ROCK2: variants seen among roughly 807,000 people sequenced by gnomAD.
The protein encoded by ROCK2 is rho-associated protein kinase 2.
Under a neutral mutation model 195.1 loss-of-function variants are expected in ROCK2, and 61 were observed. The ratio of observed to expected loss-of-function variants is 0.31; its 90% CI spans 0.25 to 0.39. The LOEUF is 0.39. Ranked by LOEUF, ROCK2 falls within the 10% of genes least tolerant of loss-of-function variation. ROCK2 has a pLI of 1.00. For missense variants in ROCK2, 1,109 were observed against 1,637.4 expected, an observed-to-expected ratio of 0.68 and a Z score of 5.57; for synonymous variants, 504 against 545.5, an observed-to-expected ratio of 0.92 and a Z score of 1.06.
rs1194333888 is a variant in ROCK2 at position 11,311,790 on chromosome 2, TATAGGAG to T, written c.142-24061_142-24055del. Among the ~76,000 whole-genome samples, 6 of 152,142 alleles carry T rather than the reference TATAGGAG, an allele frequency of 3.9e-5. No individual in the cohort carries two copies. The South Asian group carries it at 1.2e-3, about 32-fold the overall frequency. ...GTGCACACACACACACACACACCCC[TATAGGAG>T]ATCCAGAAACTTAACATAAACTTCA... On this transcript the variant is annotated intron_variant, in intron 1 of 32. Transcript: ENST00000315872.
chr2:11,344,143 A>G lies in ROCK2; in HGVS notation c.-7T>C. On this transcript the variant is annotated 5_prime_UTR_variant, in exon 1 of 33. Transcript: ENST00000315872. This position sits in a 1 kb window ranked among gnomAD's most constrained non-coding sequence, Gnocchi z 5.4. ...TCGGCGGGGGCCGGCTCATGCCGCC[A>G]CCGCTGGACCCGCACTCAGGCTCCT... The G allele has an allele frequency of 1.4e-6, 2 of 1,424,618 alleles. No homozygotes were observed. The highest frequency in any genetic ancestry group is 3.3e-5 in the Admixed American group (1 of 30,280). The allele number at this position is 1,424,618 out of a possible 1,614,324, so 88.2% of individuals were successfully genotyped here.
chr2:11,286,668 A>T (rs374797670), intron 2 of ROCK2, 29 bp from the exon 3 acceptor site: 1 of 1,098,520 alleles, frequency 9.1e-7, no homozygotes, highest in Admixed American at 2.0e-5. Context: ...CATACTTATA[A>T]TATCAATCAT....
intron 32 of ROCK2, among the ~76,000 whole-genome samples, chr2:11,188,594 CAATT>C (rs1284232463): frequency 1.8e-4 from 27 of 151,180 alleles, no homozygotes; most frequent in South Asian, 4.2e-4. Flanking sequence ...TATGAACTGT[CAATT>C]AATTTCTAGT....
chr2:11,296,305 C>A (rs184834087), intron 1 of ROCK2, among the ~76,000 whole-genome samples: 1 of 152,128 alleles, frequency 6.6e-6, no homozygotes, highest in East Asian at 1.9e-4. Flanking sequence ...TGAAAAGATA[C>A]AACAAACAGA....
chr2:11,338,292 C>A (rs985358291), intron 1 of ROCK2, among the ~76,000 whole-genome samples: 1 of 152,064 alleles, frequency 6.6e-6, no homozygotes, highest in South Asian at 2.1e-4. Context: ...GGTTATAGTG[C>A]GCTATGACTA....
chr2:11,249,532 A>G, intron 4 of ROCK2, 129 bp downstream of exon 4: 1 of 664,162 alleles, frequency 1.5e-6, no homozygotes, highest in Non-Finnish European at 2.3e-6. Context: ...TTTTGAATCA[A>G]ATCTCCTAAA....
At chr2:11,339,247 G>A (rs1669029193) in intron 1 of ROCK2, among the ~76,000 whole-genome samples, 1 of 152,036 alleles carries the variant, frequency 6.6e-6, no homozygotes. Context: ...ATTGATAGAT[G>A]GATAAAGGAA....
chr2:11,184,012 T>C (rs1381903986), intron 32 of ROCK2, among the ~76,000 whole-genome samples: 2 of 152,244 alleles, frequency 1.3e-5, no homozygotes, highest in Non-Finnish European at 2.9e-5. Flanking sequence ...AATCCTTCTA[T>C]GTAAAAGGTT....
intron 4 of ROCK2, among the ~76,000 whole-genome samples, chr2:11,244,227 T>A (rs376934464): frequency 3.9e-5 from 6 of 152,306 alleles, no homozygotes; most frequent in South Asian, 2.1e-4. Context: ...GAAATTTGTT[T>A]CCTCATTATA....
At chr2:11,286,768 TGTTA>T in intron 2 of ROCK2, 129 bp from the exon 3 acceptor site, 4 of 548,624 alleles carry the variant, frequency 7.3e-6, no homozygotes, top group Non-Finnish European at 1.2e-5. Flanking sequence ...TTTTAAAGGC[TGTTA>T]GTTAAAAATC....
At chr2:11,211,877 G>A in intron 17 of ROCK2, 37 bp from the exon 18 acceptor site, 1 of 1,466,528 alleles carries the variant, frequency 6.8e-7, no homozygotes, top group Non-Finnish European at 9.2e-7. Flanking sequence ...CAACAAAAAA[G>A]AGACTAGCTC....
intron 3 of ROCK2, among the ~76,000 whole-genome samples, chr2:11,260,646 A>C (rs1195714768): frequency 6.6e-6 from 1 of 152,206 alleles, no homozygotes; most frequent in East Asian, 1.9e-4. Context: ...TTGACTCAGA[A>C]CATGACAAGA....
chr2:11,328,213 G>T (rs531755447), intron 1 of ROCK2, among the ~76,000 whole-genome samples: 4 of 151,938 alleles, frequency 2.6e-5, no homozygotes, highest in Non-Finnish European at 4.4e-5. Context: ...CTAATTACAC[G>T]CAGTGAATTA....
intron 1 of ROCK2, among the ~76,000 whole-genome samples, chr2:11,341,668 C>G (rs1341922304): frequency 6.6e-6 from 1 of 152,052 alleles, no homozygotes; most frequent in African/African-American, 2.4e-5. Context: ...AAATTATATT[C>G]CTTTAAATTT....
intron 3 of ROCK2, among the ~76,000 whole-genome samples, chr2:11,256,387 C>T (rs778666441): frequency 6.6e-6 from 1 of 151,140 alleles, no homozygotes; most frequent in Non-Finnish European, 1.5e-5. Flanking sequence ...TCTCTGGCCA[C>T]GTAAGACGTG....
chr2:11,193,449 T>A (rs1309309239), intron 30 of ROCK2, among the ~76,000 whole-genome samples: 1 of 151,808 alleles, frequency 6.6e-6, no homozygotes, highest in Non-Finnish European at 1.5e-5. Flanking sequence ...AGAGCTGAGA[T>A]TAAACAAAAA....
At chr2:11,189,864 G>A (rs1047459777) in intron 32 of ROCK2, among the ~76,000 whole-genome samples, 19 of 152,044 alleles carry the variant, frequency 1.2e-4, no homozygotes, top group African/African-American at 4.3e-4. Context: ...CATGGTGCAT[G>A]TATGTGGTCC....
intron 1 of ROCK2, among the ~76,000 whole-genome samples, chr2:11,304,178 C>T (rs771370127): frequency 2.6e-5 from 4 of 152,114 alleles, no homozygotes; most frequent in Non-Finnish European, 5.9e-5. Context: ...AACTAAAATC[C>T]TGAATTCAAG....
rs370306968 is a variant in ROCK2 at position 11,228,634 on chromosome 2, T to C, written c.724-1236A>G. Among the ~76,000 whole-genome samples, 11 of 152,266 alleles carry C rather than the reference T, an allele frequency of 7.2e-5. No individual in the cohort carries two copies. In the East Asian group the frequency reaches 1.3e-3, roughly 19 times the overall value. On this transcript the variant is annotated intron_variant, in intron 5 of 32. Transcript: ENST00000315872. Reference sequence around the variant, plus strand: ...CATGGACTGTCCTATAGTCTAGACTTCTGTTGGGGGAAAAAATCAATAGAG... The same window carrying C: ...CATGGACTGTCCTATAGTCTAGACTCCTGTTGGGGGAAAAAATCAATAGAG...
Sources: allele counts gnomAD v4.1 joint callset (sites outside exome capture counted in the v4.1 genomes callset), GRCh38; gene constraint gnomAD v4.1.1; non-coding constraint Gnocchi (gnomAD v3.1); transcripts MANE v1.5; gene names NCBI Gene and HGNC (gene_info 2026-07-23, HGNC 2026-07-21).